SLCO3A1: variants seen among roughly 807,000 people sequenced by gnomAD.
The protein encoded by SLCO3A1 is PGE1 transporter.
In SLCO3A1, 27 loss-of-function variants were observed where a neutral mutation model predicts 63.1. That is an observed-to-expected ratio of 0.43 (90% confidence interval 0.32 to 0.59). SLCO3A1 has a LOEUF of 0.59. Among genes scored for constraint, SLCO3A1 ranks in the 20% least tolerant of loss-of-function variants. The pLI is 0.09. For missense variants in SLCO3A1, 773 were observed against 945.8 expected (o/e 0.82, Z 2.40); for synonymous variants, 473 against 409.9 (o/e 1.15, Z -1.86).
intron 2 of SLCO3A1, among the ~76,000 whole-genome samples, chr15:91,966,919 T>G (rs10852166): frequency 0.28 from 41,833 of 152,082 alleles, 6,088 homozygotes; most frequent in East Asian, 0.38. Flanking sequence ...AATTATGTTG[T>G]GTGGCATTTT....
At chr15:92,132,969 C>A (rs2048014238) in intron 7 of SLCO3A1, among the ~76,000 whole-genome samples, 1 of 145,772 alleles carries the variant, frequency 6.9e-6, no homozygotes, top group Non-Finnish European at 1.5e-5. Flanking sequence ...TTTTTTTAAC[C>A]TCCTCAAGTG....
chr15:92,086,508 T>A (rs1270391565), intron 2 of SLCO3A1, among the ~76,000 whole-genome samples: 1 of 152,222 alleles, frequency 6.6e-6, no homozygotes, highest in Non-Finnish European at 1.5e-5. Context: ...ACATATGAAC[T>A]CCTTGATTCT....
chr15:92,027,860 A>G (rs2046595426), intron 2 of SLCO3A1, among the ~76,000 whole-genome samples: 1 of 152,214 alleles, frequency 6.6e-6, no homozygotes, highest in African/African-American at 2.4e-5. Context: ...ACAAGTCTGC[A>G]GCTTGGTTTT....
intron 4 of SLCO3A1, among the ~76,000 whole-genome samples, chr15:92,109,186 G>A (rs559816507): frequency 1.2e-4 from 19 of 152,252 alleles, no homozygotes; most frequent in African/African-American, 3.4e-4. Context: ...AGGAGGCATC[G>A]GTACCACTTA....
intron 2 of SLCO3A1, among the ~76,000 whole-genome samples, chr15:91,925,565 G>A (rs1484534437): frequency 6.6e-6 from 1 of 151,978 alleles, no homozygotes; most frequent in East Asian, 1.9e-4. Flanking sequence ...GTCAGTCCGG[G>A]CATGGTCAAT....
At chr15:92,086,841 T>A (rs529256323) in intron 2 of SLCO3A1, among the ~76,000 whole-genome samples, 9 of 152,084 alleles carry the variant, frequency 5.9e-5, no homozygotes, top group Non-Finnish European at 1.0e-4. Context: ...CCAGGCATGG[T>A]GCCACACGCC....
chr15:92,055,228 G>T (rs2047007456), intron 2 of SLCO3A1, among the ~76,000 whole-genome samples: 1 of 151,866 alleles, frequency 6.6e-6, no homozygotes, highest in Non-Finnish European at 1.5e-5. Flanking sequence ...CATGTTTGTT[G>T]GCTGCATAAA....
chr15:91,877,987 C>T (rs1374827651), intron 1 of SLCO3A1, among the ~76,000 whole-genome samples: 1 of 151,840 alleles, frequency 6.6e-6, no homozygotes, highest in Admixed American at 6.6e-5. Flanking sequence ...GGTGAGGCTG[C>T]ACCGGAACAG....
At chr15:92,084,487 C>A (rs1191633426) in intron 2 of SLCO3A1, among the ~76,000 whole-genome samples, 1 of 152,206 alleles carries the variant, frequency 6.6e-6, no homozygotes, top group South Asian at 2.1e-4. Context: ...CACACCAGTA[C>A]AGCAGAGCCT....
Position 91,916,222 on chromosome 15 carries a change from C to T in SLCO3A1, c.410C>T (p.Ala137Val), listed in dbSNP as rs780303403. Residue 137 changes from alanine to valine, a missense_variant, in exon 2 of 10, where the codon GCG becomes GTG. This residue lies in a region of SLCO3A1 where 565 missense variants were observed against 749.8 expected (regional missense o/e 0.75). Coordinates refer to ENST00000318445, the MANE Select transcript of SLCO3A1 (RefSeq NM_013272.4). This position sits in a 1 kb window ranked among gnomAD's most constrained non-coding sequence, Gnocchi z 6.2. ...EFLTHQYKYE[A>V]GEIRWGAEGR... ...CTGACCCACCAGTACAAGTACGAGG[C>T]GGGCGAGATCCGCTGGGGCGCCGAG... 2 of 1,577,262 alleles carry T rather than the reference C, an allele frequency of 1.3e-6. No individual in the cohort carries two copies. Among genetic ancestry groups the T allele is most frequent in the Non-Finnish European group, 1.7e-6 (2 of 1,163,560 alleles).
At position 91,885,998 on chromosome 15, in the gene SLCO3A1, T is replaced by G. The variant is rs1299236172; in HGVS notation, c.181-29995T>G. ...AGGGTGAGAGGGAGGCAGGGGAAGA[T>G]GAAAGCAGAGAGGTGGGTGGAAGAC... On this transcript the variant is annotated intron_variant, in intron 1 of 9. Coordinates refer to ENST00000318445, the MANE Select transcript of SLCO3A1 (RefSeq NM_013272.4). This position sits in a 1 kb window ranked among gnomAD's most constrained non-coding sequence, Gnocchi z 4.7. 6.6e-6 allele frequency among the ~76,000 whole-genome samples: 1 copy of G among 152,014 alleles called. No individual in the cohort carries two copies. Among genetic ancestry groups the G allele is most frequent in the Non-Finnish European group, 1.5e-5 (1 of 67,980 alleles).
intron 2 of SLCO3A1, among the ~76,000 whole-genome samples, chr15:92,012,914 C>T (rs1300390225): frequency 6.6e-6 from 1 of 152,168 alleles, no homozygotes; most frequent in Non-Finnish European, 1.5e-5. Context: ...AAGAAAATGG[C>T]ATTTGTTGAA....
intron 4 of SLCO3A1, among the ~76,000 whole-genome samples, chr15:92,119,353 A>T (rs1048556994): frequency 8.5e-5 from 13 of 152,278 alleles, no homozygotes; most frequent in Non-Finnish European, 1.8e-4. Flanking sequence ...AGAATGAAGT[A>T]CAAGACCTCA....
At chr15:92,062,810 G>A (rs1172030333) in intron 2 of SLCO3A1, among the ~76,000 whole-genome samples, 1 of 152,154 alleles carries the variant, frequency 6.6e-6, no homozygotes, top group African/African-American at 2.4e-5. Context: ...TGCTCATTAA[G>A]GCTTTCCCTG....
intron 2 of SLCO3A1, among the ~76,000 whole-genome samples, chr15:92,046,994 AAT>A (rs200173154): frequency 5.4e-5 from 4 of 74,462 alleles, no homozygotes; most frequent in South Asian, 3.5e-4. Flanking sequence ...TGTATATATA[AAT>A]ATATATATAT....
Position 92,162,979 on chromosome 15 carries a change from C to T in SLCO3A1, c.1977C>T (p.His659=), listed in dbSNP as rs777771745. The change falls in exon 10 of 10, where the codon CAC becomes CAT. Residue 659 remains histidine, a synonymous_variant. Coordinates refer to ENST00000318445, the MANE Select transcript of SLCO3A1 (RefSeq NM_013272.4). ...ACTATAAACGCTACATCAAAAACCACGAGGGCGGGCTGAGCACCAGTGAGT... is the reference window on the plus strand; with the variant it reads ...ACTATAAACGCTACATCAAAAACCATGAGGGCGGGCTGAGCACCAGTGAGT... ...RKNYKRYIKN[H]EGGLSTSEFF... The T allele has an allele frequency of 6.0e-5, 97 of 1,613,820 alleles. No homozygotes were observed. Among genetic ancestry groups the T allele is most frequent in the Non-Finnish European group, 7.7e-5 (91 of 1,179,904 alleles).
intron 2 of SLCO3A1, among the ~76,000 whole-genome samples, chr15:92,055,872 G>A (rs1206014962): frequency 6.6e-6 from 1 of 152,178 alleles, no homozygotes. Context: ...AGTGAGGTTA[G>A]TCAGATTCGA....
At chr15:91,893,716 T>C (rs1897932359) in intron 1 of SLCO3A1, among the ~76,000 whole-genome samples, 1 of 152,236 alleles carries the variant, frequency 6.6e-6, no homozygotes, top group Admixed American at 6.5e-5. Context: ...GTGGTTAACA[T>C]GCAGCCAGAA....
chr15:92,093,185 G>A (rs1373688726), intron 2 of SLCO3A1, among the ~76,000 whole-genome samples: 2 of 152,248 alleles, frequency 1.3e-5, no homozygotes, highest in Non-Finnish European at 2.9e-5. Context: ...AAAGAAAGGA[G>A]ATTCGAGTGG....
Sources: allele counts gnomAD v4.1 joint callset (sites outside exome capture counted in the v4.1 genomes callset), GRCh38; gene constraint gnomAD v4.1.1; regional missense constraint gnomAD v4.1.1; non-coding constraint Gnocchi (gnomAD v3.1); transcripts MANE v1.5; gene names NCBI Gene and HGNC (gene_info 2026-07-23, HGNC 2026-07-21).